Variants in POLR2F observed in about 807,000 individuals in gnomAD.
POLR2F encodes DNA-directed RNA polymerases I, II, and III subunit RPABC2.
POLR2F carries 12 observed loss-of-function variants against 22.7 expected under a neutral mutation model. The observed-to-expected ratio is 0.53, with a 90% CI of 0.34 to 0.86. POLR2F has a LOEUF of 0.86. Ranked by LOEUF, POLR2F falls within the 40% of genes least tolerant of loss-of-function variation. The probability of loss-of-function intolerance (pLI) is 0.02; values close to 1 mark genes in which losing one functional copy is unlikely to be tolerated. For missense variants in POLR2F, 126 were observed against 171.5 expected, an observed-to-expected ratio of 0.73 and a Z score of 1.48; for synonymous variants, 57 against 66.0, an observed-to-expected ratio of 0.86 and a Z score of 0.66.
chr22:37,957,682 T>C (rs1362369699), intron 2 of POLR2F, among the ~76,000 whole-genome samples: 1 of 152,188 alleles, frequency 6.6e-6, no homozygotes, highest in Non-Finnish European at 1.5e-5. Flanking sequence ...GTCATGTAGA[T>C]TGTGCCTCCT....
At chr22:37,977,325 T>C (rs1932250623) in intron 4 of POLR2F, among the ~76,000 whole-genome samples, 2 of 151,516 alleles carry the variant, frequency 1.3e-5, no homozygotes, top group East Asian at 1.9e-4. Context: ...GTCTTTTTTT[T>C]TTTCTTTCTC....
chr22:37,956,559 G>C (rs1931408390), intron 1 of POLR2F, among the ~76,000 whole-genome samples: 1 of 151,754 alleles, frequency 6.6e-6, no homozygotes, highest in Non-Finnish European at 1.5e-5. Context: ...TGGTATTACA[G>C]ACATGTGCCA....
intron 1 of POLR2F, among the ~76,000 whole-genome samples, chr22:37,955,894 A>G (rs761790089): frequency 4.8e-4 from 73 of 151,850 alleles, no homozygotes; most frequent in Non-Finnish European, 8.8e-4. Flanking sequence ...CATGTTGGCC[A>G]GGCTGGTCTT....
At chr22:37,969,508 G>GCT (rs1444688552), downstream of POLR2F, among the ~76,000 whole-genome samples, 1 of 152,160 alleles carries the variant, frequency 6.6e-6, no homozygotes, top group Non-Finnish European at 1.5e-5. Flanking sequence ...CATCCTCAGT[G>GCT]ATTTCCCACT....
At chr22:37,966,716 G>A (rs1931866382) in intron 3 of POLR2F, among the ~76,000 whole-genome samples, 5 of 152,058 alleles carry the variant, frequency 3.3e-5, no homozygotes, top group African/African-American at 1.2e-4. Context: ...AGTGAGCCAC[G>A]ATCTCCCCAT....
chr22:37,967,004 T>C (rs1931877999), intron 3 of POLR2F, 95 bp from the exon 4 acceptor site: 1 of 830,890 alleles, frequency 1.2e-6, no homozygotes, highest in Non-Finnish European at 1.9e-6. Flanking sequence ...ATGACGTTTC[T>C]AGGTGGGGAC....
At chr22:38,012,426 G>T (rs1359478830) in intron 1 of POLR2F, among the ~76,000 whole-genome samples, 1 of 152,100 alleles carries the variant, frequency 6.6e-6, no homozygotes, top group Admixed American at 6.6e-5. Context: ...TTACAGAAGC[G>T]TTGCCAAGGC....
At chr22:37,977,033 C>T (rs1202243269) in intron 4 of POLR2F, among the ~76,000 whole-genome samples, 1 of 151,602 alleles carries the variant, frequency 6.6e-6, no homozygotes, top group Non-Finnish European at 1.5e-5. Context: ...CCAGACGTGG[C>T]GGTGTGCACC....
chr22:38,019,060 T>C (rs1211361457), intron 1 of POLR2F, among the ~76,000 whole-genome samples: 2 of 151,526 alleles, frequency 1.3e-5, no homozygotes, highest in Non-Finnish European at 1.5e-5. Flanking sequence ...TGGAAGAGGT[T>C]GGACCAAGAG....
rs1213256238 is a variant in POLR2F, at chr22:37,980,394, CA to C, written c.293+13226del. On this transcript the variant is annotated intron_variant, in intron 4 of 4. Coordinates refer to the POLR2F transcript ENST00000405557. The surrounding 1 kb of genome is among the most constrained non-coding windows in gnomAD (Gnocchi z 4.1). ...CTGCCCAGCTGGCAGCCAGCATCAG[CA>C]AGAAAGTGACAGGGGCCAGAAGAGA... Among the ~76,000 whole-genome samples, 1 of 152,156 alleles carries C rather than the reference CA, an allele frequency of 6.6e-6. No individual in the cohort carries two copies. The highest frequency in any genetic ancestry group is 1.5e-5 in the Non-Finnish European group (1 of 68,022).
chr22:38,000,611 C>T (rs985671897), intron 1 of POLR2F, among the ~76,000 whole-genome samples: 1 of 152,222 alleles, frequency 6.6e-6, no homozygotes, highest in Non-Finnish European at 1.5e-5. Flanking sequence ...TGGTTGGTGT[C>T]ACCAGCCCAG....
intron 1 of POLR2F, among the ~76,000 whole-genome samples, chr22:38,000,253 G>A (rs891771640): frequency 1.3e-5 from 2 of 152,212 alleles, no homozygotes; most frequent in African/African-American, 2.4e-5. Flanking sequence ...GGAGCTTAGC[G>A]GTTGTCCAGC....
intron 1 of POLR2F, among the ~76,000 whole-genome samples, chr22:38,000,519 G>A (rs1398152761): frequency 2.0e-5 from 3 of 152,198 alleles, no homozygotes; most frequent in Non-Finnish European, 4.4e-5. Context: ...CCAAATATGG[G>A]GGGTTATCAG....
intron 1 of POLR2F, among the ~76,000 whole-genome samples, chr22:37,999,033 C>G (rs1379161949): frequency 6.6e-6 from 1 of 152,090 alleles, no homozygotes; most frequent in Non-Finnish European, 1.5e-5. Context: ...GTCATTCCCT[C>G]ACCCAGGGCC....
chr22:38,011,306 T>C (rs957798658), intron 1 of POLR2F, among the ~76,000 whole-genome samples: 1 of 151,932 alleles, frequency 6.6e-6, no homozygotes, highest in Non-Finnish European at 1.5e-5. Context: ...GGTTTTGCCA[T>C]ATTGCCCAGG....
chr22:37,972,093 GGA>G (rs1239581743), downstream of POLR2F: 692 of 323,916 alleles, frequency 2.1e-3, no homozygotes, highest in South Asian at 3.3e-3. Flanking sequence ...GGGGGAGGGG[GGA>G]GAGAGAGAGA....
chr22:38,037,300 G>A (rs185885865), intron 5 of POLR2F, among the ~76,000 whole-genome samples: 1 of 148,858 alleles, frequency 6.7e-6, no homozygotes, highest in Non-Finnish European at 1.5e-5. Context: ...TTGAGACAAG[G>A]TGTCACTCTG....
intron 1 of POLR2F, among the ~76,000 whole-genome samples, chr22:38,013,207 A>AT (rs1399013174): frequency 6.6e-6 from 1 of 150,558 alleles, no homozygotes; most frequent in Non-Finnish European, 1.5e-5. Flanking sequence ...GTGCAGTGGC[A>AT]TGATCTTGGT....
At chr22:37,990,927 G>T (rs1237748244) in intron 1 of POLR2F, among the ~76,000 whole-genome samples, 1 of 152,232 alleles carries the variant, frequency 6.6e-6, no homozygotes, top group African/African-American at 2.4e-5. Flanking sequence ...GTGTTCCTCA[G>T]GACACTGATA....
Sources: gnomAD v4.1 joint callset for allele counts (sites outside exome capture counted in the v4.1 genomes callset) on GRCh38, gnomAD v4.1.1 for gene constraint, Gnocchi (gnomAD v3.1) non-coding constraint, MANE v1.5 for transcripts, NCBI Gene and HGNC (gene_info 2026-07-23, HGNC 2026-07-21) for gene names.